Variants in TMED1 observed in about 807,000 individuals in gnomAD.
TMED1 encodes transmembrane p24 trafficking protein 1, also known as transmembrane emp24 domain-containing protein 1.
In TMED1, 20 loss-of-function variants were observed where a neutral mutation model predicts 21.2. The observed-to-expected ratio is 0.95, with a 90% CI of 0.67 to 1.37. TMED1 has a LOEUF of 1.37. Among genes scored for constraint, TMED1 ranks in the 40% most tolerant of loss-of-function variants. The pLI is 0.00. For missense variants in TMED1, 316 were observed against 309.8 expected, an observed-to-expected ratio of 1.02 and a Z score of -0.15; for synonymous variants, 149 against 134.7, an observed-to-expected ratio of 1.11 and a Z score of -0.74.
At chr19:10,834,756 C>T (rs2073404431) in intron 3 of TMED1, 178 bp downstream of exon 3, 3 of 709,558 alleles carry the variant, frequency 4.2e-6, no homozygotes, top group Non-Finnish European at 6.8e-6. Flanking sequence ...GCTGGGATTA[C>T]AGGCGTGAGC....
chr19:10,832,300 C>G lies in TMED1; in HGVS notation c.*695G>C, dbSNP rs751764810. ...TTTGCTTTCTGATTTTTCTCTTGTG[C>G]CAGGCGACCACCTCCATCGGCTCCC... On this transcript the variant is annotated 3_prime_UTR_variant, in exon 4 of 4. Coordinates refer to ENST00000214869, the MANE Select transcript of TMED1 (RefSeq NM_006858.4). 4 of 1,289,600 alleles carry G rather than the reference C, an allele frequency of 3.1e-6. No individual in the cohort carries two copies. Among genetic ancestry groups the G allele is most frequent in the Non-Finnish European group, 4.0e-6 (4 of 988,852 alleles). The allele number at this position is 1,289,600 out of a possible 1,614,324, so 79.9% of individuals were successfully genotyped here.
Position 10,832,590 on chromosome 19 carries a change from C to G in TMED1, c.*405G>C. ...CCGGGGCAGGTGGTCTTCCAGGCCC[C>G]CTTCCTGGCATTCTGTTACCAGACC... is the stretch of plus-strand genomic sequence containing the variant. On this transcript the variant is annotated 3_prime_UTR_variant, in exon 4 of 4. Coordinates refer to ENST00000214869, the MANE Select transcript of TMED1 (RefSeq NM_006858.4). 2.0e-6 allele frequency: 1 copy of G among 496,322 alleles called. No homozygotes were observed. The highest frequency in any genetic ancestry group is 3.6e-6 in the Non-Finnish European group (1 of 274,714). 30.7% of individuals were successfully genotyped at this position (496,322 alleles called of 1,614,324 possible).
Position 10,832,902 on chromosome 19 carries a change from G to T in TMED1, c.*93C>A. ...GCCCTGACTGCACACTCCCGTTTTG[G>T]CAGGAAACTAAAATTGGGGAGGGAC... is the stretch of plus-strand genomic sequence containing the variant. On this transcript the variant is annotated 3_prime_UTR_variant, in exon 4 of 4. Coordinates refer to ENST00000214869, the MANE Select transcript of TMED1 (RefSeq NM_006858.4). 1 of 1,445,392 alleles carries T rather than the reference G, an allele frequency of 6.9e-7. No homozygotes were observed. The highest frequency in any genetic ancestry group is 9.4e-7 in the Non-Finnish European group (1 of 1,061,214). 89.5% of individuals were successfully genotyped at this position (1,445,392 alleles called of 1,614,324 possible). A position where few individuals can be genotyped will look rare whatever the true frequency, so the allele number is the denominator to read the frequency against.
In TMED1 at chr19:10,833,001, G is replaced by T; in HGVS notation, c.678C>A (p.Pro226=). 1 of 1,612,362 alleles carries T rather than the reference G, an allele frequency of 6.2e-7. No individual in the cohort carries two copies. The highest frequency in any genetic ancestry group is 8.5e-7 in the Non-Finnish European group (1 of 1,179,974). ...CTTCCTTCCATGGCAGGGGCTACGT[G>T]GGCACCGGGCGCTTGTCCTGGAAGA... The part of the protein sequence containing the change: ...KRFFQDKRPV[P]T The change falls in exon 4 of 4, where the codon CCC becomes CCA. Residue 226 remains proline (P), a synonymous_variant. Coordinates refer to ENST00000214869, the MANE Select transcript of TMED1 (RefSeq NM_006858.4).
intron 3 of TMED1, among the ~76,000 whole-genome samples, chr19:10,834,288 G>GT (rs1265665202): frequency 6.6e-6 from 1 of 152,134 alleles, no homozygotes; most frequent in Non-Finnish European, 1.5e-5. Context: ...CTGTGTGGCC[G>GT]TGAGTTGCTC....
intron 3 of TMED1, among the ~76,000 whole-genome samples, chr19:10,834,153 T>C (rs1189280377): frequency 6.6e-6 from 1 of 152,142 alleles, no homozygotes; most frequent in Admixed American, 6.6e-5. Context: ...AAGAGAGATC[T>C]GTTAGAAAAT....
intron 1 of TMED1, 122 bp downstream of exon 1, chr19:10,835,887 T>C (rs1015414255): frequency 7.0e-7 from 1 of 1,428,922 alleles, no homozygotes; most frequent in Non-Finnish European, 9.2e-7. Context: ...TCTTTCTAGC[T>C]CCGCCCCCGC....
intron 3 of TMED1, chr19:10,833,572 G>GGCTACATGGC: frequency 3.7e-6 from 1 of 271,372 alleles, no homozygotes; most frequent in Admixed American, 4.9e-5. Context: ...GACCAGCCTG[G>GGCTACATGGC]GCTACATGGC....
intron 1 of TMED1, chr19:10,835,645 G>A (rs2073419588): frequency 3.6e-6 from 5 of 1,405,900 alleles, no homozygotes; most frequent in Non-Finnish European, 4.6e-6. Context: ...AAGAGGATAG[G>A]CCCAGCCTTT....
intron 1 of TMED1, 75 bp downstream of exon 1, chr19:10,835,934 G>A (rs1376553219): frequency 1.1e-5 from 16 of 1,481,660 alleles, no homozygotes; most frequent in Middle Eastern, 2.1e-4. Context: ...TCCTCCTAAA[G>A]CGCGCCTCGC....
rs1236110650 is a variant in TMED1 at position 10,836,112 on chromosome 19, G to A, written c.80C>T (p.Pro27Leu). 1 of 1,581,394 alleles carries A rather than the reference G, an allele frequency of 6.3e-7. No homozygotes were observed. Reference protein sequence around the residue: ...PPVEVGGAGPPPIQDGEFTFL... With the variant: ...PPVEVGGAGPLPIQDGEFTFL... ...CGTGAACTCACCGTCCTGGATTGGC[G>A]GGGGCCCCGCCCCTCCCACCTCCAC... Residue 27 changes from proline (P) to leucine (L), a missense_variant, in exon 1 of 4, where the codon CCG (proline) becomes CTG (leucine). Physicochemically the swap from Pro to Leu is moderately conservative, Grantham distance 98 (BLOSUM62 -3). Transcript: ENST00000214869.
Position 10,833,091 on chromosome 19 carries a change from C to T in TMED1, c.588G>A (p.Trp196Ter). 1.2e-6 allele frequency: 2 copies of T among 1,614,098 alleles called. No homozygotes were observed. Among genetic ancestry groups the T allele is most frequent in the African/African-American group, 1.3e-5 (1 of 75,068 alleles). ...GCAGCACCGCCACGTTGACAGCTGA[C>T]CAGAAGTTGACCCGCTCCAAGTTGC... ...QEGNLERVNFWSAVNVAVLLL... is the reference protein window; with the variant it reads ...QEGNLERVNF Residue 196 changes from tryptophan (W) to a stop codon, truncating the protein, a stop_gained, in exon 4 of 4, where the codon TGG (tryptophan) becomes TGA (stop). Coordinates refer to ENST00000214869, the MANE Select transcript of TMED1 (RefSeq NM_006858.4). LOFTEE classifies it high-confidence loss of function.
At position 10,832,848 on chromosome 19, in the gene TMED1, G is replaced by A. The variant is rs931062976; in HGVS notation, c.*147C>T. The A allele has an allele frequency of 1.8e-5, 15 of 856,530 alleles. No individual in the cohort carries two copies. The highest frequency in any genetic ancestry group is 1.7e-4 in the African/African-American group (10 of 59,458). The allele number at this position is 856,530 out of a possible 1,614,324, so 53.1% of individuals were successfully genotyped here. ...GAGGTGTTCCCTGCCCGCTGAGGACGGAAGGAGACTCATGGGGCCAGACCG... is the reference window on the plus strand; with the variant it reads ...GAGGTGTTCCCTGCCCGCTGAGGACAGAAGGAGACTCATGGGGCCAGACCG... On this transcript the variant is annotated 3_prime_UTR_variant, in exon 4 of 4. Transcript: ENST00000214869.
chr19:10,835,996 C>T lies in TMED1; in HGVS notation c.183+13G>A. On this transcript the variant is annotated intron_variant, in intron 1 of 3. Coordinates refer to ENST00000214869, the MANE Select transcript of TMED1 (RefSeq NM_006858.4). ...CCCTGACTCTGCTGGCCGCCCAGCC[C>T]GCGACCCTCTACCTGGTATTCGGTC... 1 of 1,569,550 alleles carries T rather than the reference C, an allele frequency of 6.4e-7. No homozygotes were observed. Among genetic ancestry groups the T allele is most frequent in the African/African-American group, 1.4e-5 (1 of 73,936 alleles).
chr19:10,833,433 A>G (rs532864779), intron 3 of TMED1: 2 of 587,132 alleles, frequency 3.4e-6, no homozygotes, highest in Non-Finnish European at 6.1e-6. Flanking sequence ...CCTCTTCTAT[A>G]AGCTTCCAAA....
rs201797317 is a variant in TMED1 at position 10,834,919 on chromosome 19, G to A, written c.465+15C>T. The A allele has an allele frequency of 4.2e-4, 681 of 1,610,304 alleles. 6 individuals are homozygous for A. The Middle Eastern group carries it at 5.0e-3, about 12-fold the overall frequency. ...GAGATCTGGAAGGAGTGGCCCCAGC[G>A]CAGCCTGGACACACCTTGATGTCCT... On this transcript the variant is annotated intron_variant, in intron 3 of 3. Coordinates refer to ENST00000214869, the MANE Select transcript of TMED1 (RefSeq NM_006858.4).
intron 2 of TMED1, 25 bp from the exon 3 acceptor site, chr19:10,835,142 G>C: frequency 1.9e-6 from 3 of 1,609,146 alleles, no homozygotes; most frequent in Non-Finnish European, 2.5e-6. Flanking sequence ...ACACAGACAT[G>C]ACCCAGGGTG....
intron 1 of TMED1, 42 bp downstream of exon 1, chr19:10,835,967 C>G (rs368686247): frequency 1.3e-6 from 2 of 1,531,226 alleles, no homozygotes; most frequent in Non-Finnish European, 1.8e-6. Flanking sequence ...GCCACGCCCC[C>G]TCTCCCTGAC....
chr19:10,834,542 C>A (rs1341147416), intron 3 of TMED1, among the ~76,000 whole-genome samples: 1 of 150,992 alleles, frequency 6.6e-6, no homozygotes, highest in African/African-American at 2.4e-5. Context: ...TCACTGCAAC[C>A]TCTGCCTCCC....
Sources: allele counts gnomAD v4.1 joint callset (sites outside exome capture counted in the v4.1 genomes callset), GRCh38; gene constraint gnomAD v4.1.1; transcripts MANE v1.5; gene names NCBI Gene and HGNC (gene_info 2026-07-23, HGNC 2026-07-21).